The following ATL2 variants were observed in gnomAD, a reference collection of about 807,000 sequenced individuals.
ATL2 encodes atlastin-2.
ATL2 carries 31 observed loss-of-function variants against 73.9 expected under a neutral mutation model. That is an observed-to-expected ratio of 0.42 (90% CI 0.32 to 0.57). The LOEUF (loss-of-function observed/expected upper bound fraction) is 0.57, where lower values mean the gene tolerates loss of function less well. Ranked by LOEUF, ATL2 falls within the 20% of genes least tolerant of loss-of-function variation. ATL2 has a pLI of 0.14. For missense variants in ATL2, 738 were observed against 702.6 expected, an observed-to-expected ratio of 1.05 and a Z score of -0.57; for synonymous variants, 291 against 237.5, an observed-to-expected ratio of 1.23 and a Z score of -2.07.
intron 2 of ATL2, among the ~76,000 whole-genome samples, chr2:38,339,316 A>G (rs1266667333): frequency 2.0e-5 from 3 of 152,326 alleles, no homozygotes; most frequent in African/African-American, 4.8e-5. Flanking sequence ...CGTATTCTGT[A>G]TTAGAGATCC....
chr2:38,330,080 G>A (rs1011227318), intron 2 of ATL2, among the ~76,000 whole-genome samples: 6 of 151,798 alleles, frequency 4.0e-5, no homozygotes, highest in Admixed American at 1.3e-4. Flanking sequence ...AGTGAGCCGA[G>A]ATTGTGCCAC....
intron 1 of ATL2, among the ~76,000 whole-genome samples, chr2:38,372,341 C>A (rs1671738403): frequency 6.6e-6 from 1 of 152,002 alleles, no homozygotes; most frequent in Non-Finnish European, 1.5e-5. Flanking sequence ...CCCAAGCATA[C>A]AGTATAACAA....
At chr2:38,320,275 T>G (rs1175205695) in intron 2 of ATL2, among the ~76,000 whole-genome samples, 1 of 152,166 alleles carries the variant, frequency 6.6e-6, no homozygotes, top group African/African-American at 2.4e-5. Context: ...GAAGATTGTT[T>G]GGTGTGCTAA....
chr2:38,335,949 C>T (rs1005473988), intron 2 of ATL2, among the ~76,000 whole-genome samples: 10 of 152,046 alleles, frequency 6.6e-5, no homozygotes, highest in African/African-American at 9.7e-5. Context: ...ATGGTGTGAA[C>T]GTGGGAGGCG....
chr2:38,322,550 T>G (rs1229914369), intron 2 of ATL2, among the ~76,000 whole-genome samples: 1 of 152,190 alleles, frequency 6.6e-6, no homozygotes, highest in Non-Finnish European at 1.5e-5. Flanking sequence ...AAATAAATTT[T>G]TATAAGTATA....
chr2:38,340,073 C>T (rs1000568720), intron 2 of ATL2, among the ~76,000 whole-genome samples: 1 of 148,546 alleles, frequency 6.7e-6, no homozygotes, highest in Admixed American at 7.0e-5. Context: ...CAAAATAAGC[C>T]AAACACATAA....
intron 1 of ATL2, among the ~76,000 whole-genome samples, chr2:38,375,441 A>C (rs1448586898): frequency 1.3e-5 from 2 of 152,232 alleles, no homozygotes; most frequent in African/African-American, 4.8e-5. Context: ...TATGAGTAGC[A>C]GACAAAAGCA....
intron 7 of ATL2, 77 bp downstream of exon 7, chr2:38,313,074 T>C (rs944260632): frequency 2.1e-6 from 2 of 950,750 alleles, no homozygotes; most frequent in Non-Finnish European, 3.3e-6. Flanking sequence ...ACTGGTAATG[T>C]GACCAGCAGT....
At chr2:38,328,812 A>G (rs937031425) in intron 2 of ATL2, among the ~76,000 whole-genome samples, 2 of 152,108 alleles carry the variant, frequency 1.3e-5, no homozygotes, top group Admixed American at 1.3e-4. Flanking sequence ...GATGAATAAA[A>G]TCAGAGCAAG....
At chr2:38,347,643 G>T (rs1670099962) in intron 1 of ATL2, among the ~76,000 whole-genome samples, 2 of 151,870 alleles carry the variant, frequency 1.3e-5, no homozygotes, top group South Asian at 4.1e-4. Context: ...CAATCACCCT[G>T]TTAACCATTC....
chr2:38,362,430 C>A (rs28654150), intron 1 of ATL2, among the ~76,000 whole-genome samples: 5 of 152,182 alleles, frequency 3.3e-5, no homozygotes, highest in Admixed American at 2.0e-4. Flanking sequence ...ACAGCCACAC[C>A]GTACAACAGT....
intron 1 of ATL2, chr2:38,358,530 A>T: frequency 3.1e-6 from 1 of 323,066 alleles, no homozygotes. Flanking sequence ...CTCTATTAAA[A>T]ATACAAAAAA....
rs1301946536 is a variant in ATL2 at position 38,319,030 on chromosome 2, C to G, written c.364-11G>C. On this transcript the variant is annotated splice_polypyrimidine_tract_variant and intron_variant, in intron 2 of 12. Coordinates refer to ENST00000378954, the MANE Select transcript of ATL2 (RefSeq NM_001135673.4). The stretch of plus-strand genomic sequence containing the variant: ...CCAACTTTGAGAATCCTGTTAAAGT[C>G]AAGGATAAATGTAAAATACAACACA... 1 of 1,607,558 alleles carries G rather than the reference C, an allele frequency of 6.2e-7. No homozygotes were observed. The highest frequency in any genetic ancestry group is 1.3e-5 in the African/African-American group (1 of 74,566).
At chr2:38,343,766 T>A (rs10195631) in intron 1 of ATL2, among the ~76,000 whole-genome samples, 43,474 of 151,952 alleles carry the variant, frequency 0.29, 6,306 homozygotes, top group South Asian at 0.37. Context: ...AATTTCCACA[T>A]GTTGTGGGAA....
rs57894810 is a variant in ATL2, at chr2:38,348,466, C to CA, written c.119-4955dup. 8.3e-3 allele frequency among the ~76,000 whole-genome samples: 1,112 copies of CA among 134,146 alleles called. 18 individuals carry two copies. The highest frequency in any genetic ancestry group is 0.024 in the African/African-American group (908 of 38,576). The allele number at this position is 134,146 out of a possible 152,430, so 88.0% of individuals were successfully genotyped here. A position where few individuals can be genotyped will look rare whatever the true frequency, so the allele number is the denominator to read the frequency against. The stretch of plus-strand genomic sequence containing the variant: ...GGGCAACAAGAGCGAAACTCCATCT[C>CA]AAAAAAAAAAAAATTATGAACCAAG... On this transcript the variant is annotated intron_variant, in intron 1 of 12. Transcript: ENST00000378954.
At chr2:38,296,561 T>A in intron 12 of ATL2, 1 of 1,614,080 alleles carries the variant, frequency 6.2e-7, no homozygotes, top group Non-Finnish European at 8.5e-7. Context: ...CCATTCGACG[T>A]CTAGTAACTT....
chr2:38,374,180 C>T (rs1671839633), intron 1 of ATL2, among the ~76,000 whole-genome samples: 1 of 152,216 alleles, frequency 6.6e-6, no homozygotes, highest in Non-Finnish European at 1.5e-5. Flanking sequence ...GCGTGAGCCA[C>T]CGCACTCAGC....
In ATL2 at chr2:38,315,265, TA is replaced by T. The variant is rs746355542; in HGVS notation, c.654+18del. 5 of 1,474,902 alleles carry T rather than the reference TA, an allele frequency of 3.4e-6. No homozygotes were observed. The highest frequency in any genetic ancestry group is 3.6e-6 in the Non-Finnish European group (4 of 1,119,384). The allele number at this position is 1,474,902 out of a possible 1,614,324, so 91.4% of individuals were successfully genotyped here. ...AAACTCCATCTCAAAAAATAAAAAT[TA>T]AAAAAAGAAATACGTACTTGCAAAT... On this transcript the variant is annotated intron_variant, in intron 5 of 12. Transcript: ENST00000378954.
intron 2 of ATL2, among the ~76,000 whole-genome samples, chr2:38,336,496 A>C (rs950767591): frequency 6.6e-6 from 1 of 152,224 alleles, no homozygotes; most frequent in Non-Finnish European, 1.5e-5. Flanking sequence ...ATTTGTACTC[A>C]CACATATCCT....
Sources: allele counts gnomAD v4.1 joint callset (sites outside exome capture counted in the v4.1 genomes callset), GRCh38; gene constraint gnomAD v4.1.1; transcripts MANE v1.5; gene names NCBI Gene and HGNC (gene_info 2026-07-23, HGNC 2026-07-21).